KYNU: variants seen among roughly 807,000 people sequenced by gnomAD.
KYNU encodes the protein L-kynurenine hydrolase.
Under a neutral mutation model 59.2 loss-of-function variants are expected in KYNU, and 54 were observed. That is an observed-to-expected ratio of 0.91 (90% CI 0.73 to 1.14). KYNU has a LOEUF of 1.14. Ranked by LOEUF, KYNU falls within the 50% of genes most tolerant of loss-of-function variation. The pLI, the probability that KYNU is intolerant of heterozygous loss-of-function variation, is 0.00. For missense variants in KYNU, 567 were observed against 554.4 expected (o/e 1.02, Z -0.23); for synonymous variants, 177 against 192.0 (o/e 0.92, Z 0.65).
intron 12 of KYNU, among the ~76,000 whole-genome samples, chr2:143,036,514 C>T (rs868665010): frequency 5.3e-5 from 8 of 152,152 alleles, no homozygotes; most frequent in African/African-American, 1.9e-4. Context: ...CAGGCTGTGA[C>T]CTAATGCTGC....
Position 143,042,218 on chromosome 2 carries a change from G to C in KYNU, c.*46G>C. ...TAAGCAAATTATACTGAAAGCTGCT[G>C]TGGTTATTTCAGTATTATTCGATTT... On this transcript the variant is annotated 3_prime_UTR_variant, in exon 14 of 14. Transcript: ENST00000264170. 1.3e-6 allele frequency: 2 copies of C among 1,580,484 alleles called. No individual in the cohort carries two copies. The highest frequency in any genetic ancestry group is 1.7e-6 in the Non-Finnish European group (2 of 1,157,200).
chr2:142,907,688 C>T (rs1324481427), intron 2 of KYNU, among the ~76,000 whole-genome samples: 1 of 152,176 alleles, frequency 6.6e-6, no homozygotes, highest in Non-Finnish European at 1.5e-5. Context: ...CATTGTCCCC[C>T]CGTTGTGCTC....
intron 5 of KYNU, 65 bp from the exon 6 acceptor site, chr2:142,956,138 A>G: frequency 1.1e-6 from 1 of 877,132 alleles, no homozygotes; most frequent in Admixed American, 1.8e-5. Flanking sequence ...TGATAGTGTG[A>G]CATAAAATGA....
rs1242663006 is a variant in KYNU, at chr2:143,049,478, A to G, written c.*7306A>G. The G allele has an allele frequency of 2.0e-5, 3 of 152,236 alleles. No individual in the cohort carries two copies. Among genetic ancestry groups the G allele is most frequent in the Non-Finnish European group, 1.5e-5 (1 of 68,044 alleles). The allele number at this position is 152,236 out of a possible 1,614,324, so 9.4% of individuals were successfully genotyped here. A position where few individuals can be genotyped will look rare whatever the true frequency, so the allele number is the denominator to read the frequency against. ...AAAATATGAAAAACTTACACTTTGT[A>G]TCAGTCAGGAGAAGGATAATCTTCA... On this transcript the variant is annotated 3_prime_UTR_variant, in exon 14 of 14. Coordinates refer to ENST00000264170, the MANE Select transcript of KYNU (RefSeq NM_003937.3).
intron 2 of KYNU, among the ~76,000 whole-genome samples, chr2:142,905,871 T>C (rs1573772343): frequency 2.0e-5 from 3 of 152,216 alleles, no homozygotes; most frequent in South Asian, 4.1e-4. Flanking sequence ...TGGAGTATTA[T>C]AGGGTCACAG....
chr2:142,934,051 A>G (rs1683308347), intron 4 of KYNU, among the ~76,000 whole-genome samples: 2 of 152,240 alleles, frequency 1.3e-5, no homozygotes. Context: ...AGCTTGGTTA[A>G]TGAGCCTGAG....
intron 4 of KYNU, among the ~76,000 whole-genome samples, chr2:142,954,250 C>G (rs1353426194): frequency 6.6e-6 from 1 of 152,014 alleles, no homozygotes; most frequent in Non-Finnish European, 1.5e-5. Context: ...TCTATATTAT[C>G]TTTTATCTCA....
rs1029626168 is a variant in KYNU at position 143,042,694 on chromosome 2, ATT to A, written c.*528_*529del. ...ATATATATATGATAGTGGCTTTCAAATTTTTTTGGGTACAATCCACATTGCTC... is the reference window on the plus strand; with the variant it reads ...ATATATATATGATAGTGGCTTTCAAATTTTTGGGTACAATCCACATTGCTC... On this transcript the variant is annotated 3_prime_UTR_variant, in exon 14 of 14. Coordinates refer to ENST00000264170, the MANE Select transcript of KYNU (RefSeq NM_003937.3). The A allele has an allele frequency of 1.4e-5, 2 of 146,270 alleles. No homozygotes were observed. The highest frequency in any genetic ancestry group is 3.0e-5 in the Non-Finnish European group (2 of 66,486). 9.1% of individuals were successfully genotyped at this position (146,270 alleles called of 1,614,324 possible). A position where few individuals can be genotyped will look rare whatever the true frequency, so the allele number is the denominator to read the frequency against.
chr2:142,949,334 C>T (rs938087951), intron 4 of KYNU, among the ~76,000 whole-genome samples: 13 of 152,216 alleles, frequency 8.5e-5, no homozygotes, highest in African/African-American at 3.1e-4. Context: ...CCAGTAGGTA[C>T]ACTGTGTGGG....
At chr2:142,972,493 G>A (rs33918252) in intron 8 of KYNU, among the ~76,000 whole-genome samples, 17,771 of 151,974 alleles carry the variant, frequency 0.12, 1,158 homozygotes, top group East Asian at 0.22. Context: ...ATAATGCTTC[G>A]TAAAAATGTG....
chr2:142,948,392 G>A (rs1442640043), intron 4 of KYNU, among the ~76,000 whole-genome samples: 1 of 152,176 alleles, frequency 6.6e-6, no homozygotes, highest in Non-Finnish European at 1.5e-5. Context: ...CTCCATATCA[G>A]CAATAAAGCT....
intron 2 of KYNU, among the ~76,000 whole-genome samples, chr2:142,916,405 CTATCA>C (rs1682668901): frequency 6.6e-6 from 1 of 152,060 alleles, no homozygotes; most frequent in South Asian, 2.1e-4. Context: ...TTTTTTAATC[CTATCA>C]TAACAAAAAA....
intron 11 of KYNU, among the ~76,000 whole-genome samples, chr2:143,031,208 T>G (rs1310034641): frequency 6.6e-6 from 1 of 152,194 alleles, no homozygotes; most frequent in African/African-American, 2.4e-5. Context: ...ATTATACCAG[T>G]TATTTAAATT....
chr2:142,888,504 A>G (rs1301401739), intron 2 of KYNU, among the ~76,000 whole-genome samples: 2 of 152,172 alleles, frequency 1.3e-5, no homozygotes, highest in Non-Finnish European at 2.9e-5. Context: ...GTAAAACTTT[A>G]TTAACCCCAA....
At chr2:142,980,695 G>C (rs1685028116) in intron 8 of KYNU, among the ~76,000 whole-genome samples, 1 of 152,106 alleles carries the variant, frequency 6.6e-6, no homozygotes, top group Non-Finnish European at 1.5e-5. Flanking sequence ...CATGGTGGCT[G>C]AACAATGCTG....
At chr2:143,012,675 C>T (rs1475310947) in intron 10 of KYNU, among the ~76,000 whole-genome samples, 1 of 151,976 alleles carries the variant, frequency 6.6e-6, no homozygotes, top group Non-Finnish European at 1.5e-5. Flanking sequence ...TTAAGATATC[C>T]ACCTTCATGC....
intron 4 of KYNU, among the ~76,000 whole-genome samples, chr2:142,935,279 C>G (rs1186404393): frequency 6.6e-6 from 1 of 152,110 alleles, no homozygotes; most frequent in Non-Finnish European, 1.5e-5. Context: ...CGTCAGGACC[C>G]TGGGTGATTT....
chr2:143,002,893 C>T (rs1685752147), intron 10 of KYNU, among the ~76,000 whole-genome samples: 1 of 152,128 alleles, frequency 6.6e-6, no homozygotes. Flanking sequence ...TAAATTTTAG[C>T]ATTTCTTCTT....
At chr2:143,004,055 A>G (rs1685791810) in intron 10 of KYNU, among the ~76,000 whole-genome samples, 1 of 152,266 alleles carries the variant, frequency 6.6e-6, no homozygotes, top group African/African-American at 2.4e-5. Flanking sequence ...ATTACTTAAT[A>G]TGCCTATCAT....
Sources: gnomAD v4.1 joint callset for allele counts (sites outside exome capture counted in the v4.1 genomes callset) on GRCh38, gnomAD v4.1.1 for gene constraint, MANE v1.5 for transcripts, NCBI Gene and HGNC (gene_info 2026-07-23, HGNC 2026-07-21) for gene names.